Variants in PRDM16 observed in about 807,000 individuals in gnomAD.
PRDM16 encodes the protein histone-lysine N-methyltransferase PRDM16.
PRDM16 carries 23 observed loss-of-function variants against 110.6 expected under a neutral mutation model. The ratio of observed to expected loss-of-function variants is 0.21; its 90% confidence interval spans 0.15 to 0.29. The LOEUF (loss-of-function observed/expected upper bound fraction) is 0.29, where lower values mean the gene tolerates loss of function less well. Ranked by LOEUF, PRDM16 falls within the 10% of genes least tolerant of loss-of-function variation. The pLI is 1.00. For synonymous variants in PRDM16, 799 were observed against 781.8 expected (o/e 1.02, Z -0.37); for missense variants, 1,615 against 1,794.3 (o/e 0.90, Z 1.81).
intron 3 of PRDM16, among the ~76,000 whole-genome samples, chr1:3,272,934 C>T (rs533366657): frequency 1.3e-5 from 2 of 152,240 alleles, no homozygotes; most frequent in African/African-American, 4.8e-5. Flanking sequence ...CACTCTGAGT[C>T]TCGAGTCTTG....
intron 2 of PRDM16, among the ~76,000 whole-genome samples, chr1:3,222,215 T>G (rs1639166225): frequency 4.0e-5 from 6 of 151,864 alleles, no homozygotes; most frequent in East Asian, 2.0e-4. Flanking sequence ...CCCACGTGGG[T>G]TCCCTCCCAC....
At chr1:3,296,224 C>A (rs1412616058) in intron 3 of PRDM16, among the ~76,000 whole-genome samples, 3 of 152,208 alleles carry the variant, frequency 2.0e-5, no homozygotes, top group Non-Finnish European at 2.9e-5. Flanking sequence ...CTGTGAGGCA[C>A]ACGACCAGTG....
intron 3 of PRDM16, among the ~76,000 whole-genome samples, chr1:3,313,737 G>T (rs554009513): frequency 6.6e-6 from 1 of 152,156 alleles, no homozygotes; most frequent in Non-Finnish European, 1.5e-5. Flanking sequence ...CTCCTGCCCC[G>T]GCGGGCCTGG....
chr1:3,373,342 C>G (rs1642936927), intron 3 of PRDM16, among the ~76,000 whole-genome samples: 1 of 152,186 alleles, frequency 6.6e-6, no homozygotes, highest in Non-Finnish European at 1.5e-5. Flanking sequence ...AGTGAGAGCC[C>G]CGCCCCAGCG....
intron 1 of PRDM16, among the ~76,000 whole-genome samples, chr1:3,126,521 T>C (rs1360114595): frequency 6.6e-6 from 1 of 152,174 alleles, no homozygotes; most frequent in Non-Finnish European, 1.5e-5. Context: ...CAGACCCTGC[T>C]GCGGTTCCTG....
intron 2 of PRDM16, among the ~76,000 whole-genome samples, chr1:3,238,989 G>A (rs1639601859): frequency 6.6e-6 from 1 of 152,244 alleles, no homozygotes; most frequent in Middle Eastern, 3.2e-3. Context: ...GTCCGCGTCT[G>A]CGGTGCCTGG....
intron 2 of PRDM16, among the ~76,000 whole-genome samples, chr1:3,216,891 T>C (rs1200102898): frequency 6.6e-6 from 1 of 152,252 alleles, no homozygotes; most frequent in Admixed American, 6.5e-5. Context: ...TCTGTCTTCC[T>C]CAGCCTCCCA....
At chr1:3,118,448 G>A (rs1370064408) in intron 1 of PRDM16, among the ~76,000 whole-genome samples, 6 of 152,198 alleles carry the variant, frequency 3.9e-5, no homozygotes, top group Non-Finnish European at 5.9e-5. Flanking sequence ...ACCTAAGCTG[G>A]CAAGGGGGCA....
At position 3,374,931 on chromosome 1, in the gene PRDM16, G is replaced by A. The variant is rs143187138; in HGVS notation, c.439-10221G>A. 4.8e-3 allele frequency among the ~76,000 whole-genome samples: 728 copies of A among 152,344 alleles called. 4 individuals are homozygous for A. The highest frequency in any genetic ancestry group is 0.017 in the African/African-American group (699 of 41,572). Reference sequence around the variant, plus strand: ...CAGTGGCCCGAAGTGGCCGCCACAGGCACACAGCAGAGAACCTTCGGTGTC... The same window carrying A: ...CAGTGGCCCGAAGTGGCCGCCACAGACACACAGCAGAGAACCTTCGGTGTC... On this transcript the variant is annotated intron_variant, in intron 3 of 16. Transcript: ENST00000270722.
intron 1 of PRDM16, among the ~76,000 whole-genome samples, chr1:3,162,165 A>G (rs79063099): frequency 0.047 from 7,087 of 152,170 alleles, 249 homozygotes; most frequent in East Asian, 0.19. Context: ...GTGGCGTTCA[A>G]TATGCCCGGG....
chr1:3,114,528 A>G (rs1176738042), intron 1 of PRDM16, among the ~76,000 whole-genome samples: 1 of 152,060 alleles, frequency 6.6e-6, no homozygotes, highest in East Asian at 1.9e-4. Flanking sequence ...GAACACACGC[A>G]CACATGCACA....
chr1:3,106,745 C>T (rs557757355), intron 1 of PRDM16, among the ~76,000 whole-genome samples: 1 of 152,304 alleles, frequency 6.6e-6, no homozygotes, highest in Admixed American at 6.5e-5. Flanking sequence ...TCCCGGCGGG[C>T]TGCCTGAGGG....
At position 3,436,696 on chromosome 1, in the gene PRDM16, C is replaced by T. The variant is rs1638917954; in HGVS notation, c.*2885C>T. 4.3e-6 allele frequency: 1 copy of T among 231,524 alleles called. No individual in the cohort carries two copies. The highest frequency in any genetic ancestry group is 6.1e-5 in the East Asian group (1 of 16,412). 14.3% of individuals were successfully genotyped at this position (231,524 alleles called of 1,614,324 possible). A position where few individuals can be genotyped will look rare whatever the true frequency, so the allele number is the denominator to read the frequency against. On this transcript the variant is annotated 3_prime_UTR_variant, in exon 17 of 17. Coordinates refer to ENST00000270722, the MANE Select transcript of PRDM16 (RefSeq NM_022114.4). Reference sequence around the variant, plus strand: ...GATGACAAGGGCCAGGGAGCCTGGCCCGGGTGTGAGAATTCAGAGATTCTG... The same window carrying T: ...GATGACAAGGGCCAGGGAGCCTGGCTCGGGTGTGAGAATTCAGAGATTCTG...
intron 5 of PRDM16, among the ~76,000 whole-genome samples, chr1:3,397,534 C>T (rs1433311642): frequency 6.6e-6 from 1 of 152,268 alleles, no homozygotes; most frequent in Non-Finnish European, 1.5e-5. Flanking sequence ...AGGCCCTGGC[C>T]CGTCGGCTCC....
chr1:3,331,231 C>G (rs942034613), intron 3 of PRDM16, among the ~76,000 whole-genome samples: 1 of 152,172 alleles, frequency 6.6e-6, no homozygotes, highest in Non-Finnish European at 1.5e-5. Context: ...TGCGCAACTT[C>G]TCCACTGCCC....
intron 3 of PRDM16, among the ~76,000 whole-genome samples, chr1:3,378,408 G>C (rs1538693): frequency 1.1e-4 from 17 of 151,924 alleles, no homozygotes; most frequent in Admixed American, 9.2e-4. Context: ...TCCAGAGGAC[G>C]TGAAATCTTG....
At chr1:3,336,837 C>T (rs1460686480) in intron 3 of PRDM16, among the ~76,000 whole-genome samples, 8 of 147,842 alleles carry the variant, frequency 5.4e-5, no homozygotes, top group Non-Finnish European at 1.0e-4. Context: ...CATGAACATT[C>T]ACACACATTG....
At chr1:3,292,561 C>T (rs1193171526) in intron 3 of PRDM16, among the ~76,000 whole-genome samples, 4 of 152,168 alleles carry the variant, frequency 2.6e-5, no homozygotes, top group South Asian at 4.1e-4. Flanking sequence ...TTCTTGACCG[C>T]GCTGTCCGGA....
At chr1:3,223,005 C>T (rs926170295) in intron 2 of PRDM16, among the ~76,000 whole-genome samples, 2 of 150,174 alleles carry the variant, frequency 1.3e-5, no homozygotes, top group East Asian at 2.0e-4. Context: ...CAGACATGAG[C>T]GTGCGTGGGG....
Sources: gnomAD v4.1 joint callset for allele counts (sites outside exome capture counted in the v4.1 genomes callset) on GRCh38, gnomAD v4.1.1 for gene constraint, MANE v1.5 for transcripts, NCBI Gene and HGNC (gene_info 2026-07-23, HGNC 2026-07-21) for gene names.